WDR49: variants seen among roughly 807,000 people sequenced by gnomAD.
WDR49 encodes cilia- and flagella-associated protein 337.
Under a neutral mutation model 119.5 loss-of-function variants are expected in WDR49, and 107 were observed. The ratio of observed to expected loss-of-function variants is 0.90; its 90% confidence interval spans 0.77 to 1.05. The LOEUF (loss-of-function observed/expected upper bound fraction) is 1.05, where lower values mean the gene tolerates loss of function less well. Ranked by LOEUF, WDR49 falls within the 50% of genes least tolerant of loss-of-function variation. WDR49 has a pLI of 0.00. For synonymous variants in WDR49, 425 were observed against 418.8 expected (o/e 1.01, Z -0.18); for missense variants, 1,240 against 1,220.5 (o/e 1.02, Z -0.24).
intron 7 of WDR49, among the ~76,000 whole-genome samples, chr3:167,601,447 A>G (rs940900193): frequency 6.6e-6 from 1 of 152,170 alleles, no homozygotes; most frequent in Non-Finnish European, 1.5e-5. Flanking sequence ...CTTGAAATCT[A>G]TCATGTTAAC....
intron 7 of WDR49, among the ~76,000 whole-genome samples, chr3:167,590,592 C>T (rs991321910): frequency 1.3e-5 from 2 of 151,914 alleles, no homozygotes; most frequent in African/African-American, 4.8e-5. Flanking sequence ...TGTTATTAGT[C>T]TGTTCAGGTT....
At chr3:167,558,459 C>A (rs1422263042) in intron 9 of WDR49, among the ~76,000 whole-genome samples, 3 of 152,026 alleles carry the variant, frequency 2.0e-5, no homozygotes, top group African/African-American at 7.2e-5. Flanking sequence ...ATTTATGTAT[C>A]CTACACAGAA....
At chr3:167,622,077 C>T (rs1716899289) in intron 3 of WDR49, among the ~76,000 whole-genome samples, 1 of 152,004 alleles carries the variant, frequency 6.6e-6, no homozygotes, top group Non-Finnish European at 1.5e-5. Context: ...TCAGAGAAAA[C>T]CCTAAAGGCT....
chr3:167,574,019 C>T (rs1283041335), intron 8 of WDR49, among the ~76,000 whole-genome samples: 1 of 152,208 alleles, frequency 6.6e-6, no homozygotes, highest in South Asian at 2.1e-4. Context: ...TGGCCTCAGG[C>T]AGAATTGATC....
intron 18 of WDR49, among the ~76,000 whole-genome samples, chr3:167,492,247 A>T (rs964733819): frequency 5.9e-5 from 9 of 152,080 alleles, no homozygotes; most frequent in Non-Finnish European, 1.2e-4. Flanking sequence ...TAATAAAAAT[A>T]GGTAATACAG....
At position 167,560,053 on chromosome 3, in the gene WDR49, T is replaced by C; in HGVS notation, c.1674+11A>G. On this transcript the variant is annotated intron_variant, in intron 9 of 18. Transcript: ENST00000682715. Reference sequence around the variant, plus strand: ...TCATATCTGGATAGAAAAGCATCATTGTGTTCGCACCTTTACAGTCCCATC... The same window carrying C: ...TCATATCTGGATAGAAAAGCATCATCGTGTTCGCACCTTTACAGTCCCATC... 1 of 1,613,794 alleles carries C rather than the reference T, an allele frequency of 6.2e-7. No homozygotes were observed. Among genetic ancestry groups the C allele is most frequent in the Non-Finnish European group, 8.5e-7 (1 of 1,179,844 alleles).
rs147910610 is a variant in WDR49 at position 167,542,754 on chromosome 3, C to T, written c.1824-5754G>A. Among the ~76,000 whole-genome samples the T allele has an allele frequency of 4.0e-3, 602 of 151,694 alleles. 2 individuals carry two copies. The highest frequency in any genetic ancestry group is 0.014 in the Middle Eastern group (4 of 294). On this transcript the variant is annotated intron_variant, in intron 10 of 18. Coordinates refer to ENST00000682715, the MANE Select transcript of WDR49 (RefSeq NM_001366157.1). The stretch of plus-strand genomic sequence containing the variant: ...ACTAGAGAAACAAGAAAAAAACAAA[C>T]CCAAACCCAGCAGAAGAAAAAATAT...
At chr3:167,516,054 C>A (rs1003838145) in intron 16 of WDR49, among the ~76,000 whole-genome samples, 8 of 152,154 alleles carry the variant, frequency 5.3e-5, no homozygotes, top group Non-Finnish European at 7.3e-5. Context: ...AATCGCCATA[C>A]TGCCCAAAGT....
chr3:167,545,163 G>T (rs1286822615), intron 10 of WDR49, among the ~76,000 whole-genome samples: 3 of 151,952 alleles, frequency 2.0e-5, no homozygotes, highest in Admixed American at 2.0e-4. Flanking sequence ...CCTTACTCCT[G>T]CAAGAATGGT....
At chr3:167,529,331 T>C in intron 13 of WDR49, 92 bp from the exon 14 acceptor site, 2 of 1,219,150 alleles carry the variant, frequency 1.6e-6, no homozygotes, top group Non-Finnish European at 2.3e-6. Context: ...AAGCATGTGA[T>C]GTTGAAGAGG....
At chr3:167,582,125 T>G (rs1206782146) in intron 7 of WDR49, among the ~76,000 whole-genome samples, 1 of 151,010 alleles carries the variant, frequency 6.6e-6, no homozygotes, top group African/African-American at 2.4e-5. Context: ...CCGGGAGCAA[T>G]CCACACAAAT....
intron 18 of WDR49, among the ~76,000 whole-genome samples, chr3:167,496,291 T>C (rs941516815): frequency 5.3e-5 from 8 of 152,192 alleles, no homozygotes; most frequent in South Asian, 2.1e-4. Flanking sequence ...TAGCATAGTT[T>C]ACTAGATGGT....
At chr3:167,575,132 C>T in intron 8 of WDR49, 3 of 985,340 alleles carry the variant, frequency 3.0e-6, no homozygotes, top group Non-Finnish European at 3.6e-6. Context: ...AGACTTGCTT[C>T]TGCTTGGCTC....
chr3:167,618,376 A>G lies in WDR49; in HGVS notation c.958+2053T>C, dbSNP rs549851012. 4.3e-4 allele frequency among the ~76,000 whole-genome samples: 66 copies of G among 152,310 alleles called. 2 individuals carry two copies. Among genetic ancestry groups the G allele is most frequent in the African/African-American group, 1.5e-3 (63 of 41,566 alleles). ...CTTTCTTCTATAGTCTCAAATGCCTAAGACAGTTTTAAGACACATAAAAGA... is the reference window on the plus strand; with the variant it reads ...CTTTCTTCTATAGTCTCAAATGCCTGAGACAGTTTTAAGACACATAAAAGA... On this transcript the variant is annotated intron_variant, in intron 5 of 18. Coordinates refer to ENST00000682715, the MANE Select transcript of WDR49 (RefSeq NM_001366157.1).
upstream of WDR49, among the ~76,000 whole-genome samples, chr3:167,654,214 C>G (rs1718514985): frequency 6.6e-6 from 1 of 151,778 alleles, no homozygotes; most frequent in Non-Finnish European, 1.5e-5. Flanking sequence ...TATGATTAGT[C>G]AAAGAGAAAA....
chr3:167,521,963 AAGATAGATAGATAGATAGATAGAT>A (rs201398579), intron 16 of WDR49, among the ~76,000 whole-genome samples: 7 of 77,144 alleles, frequency 9.1e-5, no homozygotes, highest in Admixed American at 7.1e-4. Context: ...TACACATTCT[AAGATAGATAGATAGATAGATAGAT>A]AGATAGATAG....
At chr3:167,490,911 C>A (rs77645329) in intron 18 of WDR49, among the ~76,000 whole-genome samples, 2,332 of 150,976 alleles carry the variant, frequency 0.015, 61 homozygotes, top group African/African-American at 0.055. Context: ...TGTCAACTCT[C>A]CAAACTTTTC....
chr3:167,604,486 A>G lies in WDR49; in HGVS notation c.959-18T>C, dbSNP rs1282332367. The G allele has an allele frequency of 6.4e-7, 1 of 1,568,978 alleles. No homozygotes were observed. The highest frequency in any genetic ancestry group is 8.6e-7 in the Non-Finnish European group (1 of 1,158,978). ...GTAAGTAACTGATAAAAAATTAAAAAGAGAAAAACAATCTTTAGTTGATTC... is the reference window on the plus strand; with the variant it reads ...GTAAGTAACTGATAAAAAATTAAAAGGAGAAAAACAATCTTTAGTTGATTC... On this transcript the variant is annotated intron_variant, in intron 5 of 18. Transcript: ENST00000682715.
intron 18 of WDR49, among the ~76,000 whole-genome samples, chr3:167,485,580 C>T (rs1269035749): frequency 1.3e-5 from 2 of 151,880 alleles, no homozygotes; most frequent in African/African-American, 2.4e-5. Context: ...AAATGAACTT[C>T]TAGAACTTAA....
Sources: gnomAD v4.1 joint callset for allele counts (sites outside exome capture counted in the v4.1 genomes callset) on GRCh38, gnomAD v4.1.1 for gene constraint, MANE v1.5 for transcripts, NCBI Gene and HGNC (gene_info 2026-07-23, HGNC 2026-07-21) for gene names.